Variants in RERE observed in about 807,000 individuals in gnomAD.
RERE encodes arginine-glutamic acid dipeptide repeats protein.
A neutral mutation model predicts 146.1 loss-of-function variants in RERE; 40 were observed. That is an observed-to-expected ratio of 0.27 (90% CI 0.21 to 0.36). The LOEUF (loss-of-function observed/expected upper bound fraction) is 0.36. Ranked by LOEUF, RERE falls within the 10% of genes least tolerant of loss-of-function variation. The pLI is 1.00. For missense variants in RERE, 1,933 were observed against 2,138.7 expected, an observed-to-expected ratio of 0.90 and a Z score of 1.90; for synonymous variants, 1,003 against 866.0, an observed-to-expected ratio of 1.16 and a Z score of -2.78.
intron 12 of RERE, among the ~76,000 whole-genome samples, chr1:8,367,476 G>GT (rs1310332379): frequency 6.6e-6 from 1 of 152,192 alleles, no homozygotes. Context: ...CCCATCACAT[G>GT]TATCTCCTGG....
intron 1 of RERE, among the ~76,000 whole-genome samples, chr1:8,700,122 T>C (rs542692070): frequency 9.9e-5 from 15 of 152,134 alleles, no homozygotes; most frequent in Admixed American, 2.6e-4. Context: ...CTCGCCAACA[T>C]AGTGAAACCC....
chr1:8,643,672 G>A (rs1647213817), intron 2 of RERE, among the ~76,000 whole-genome samples: 2 of 152,200 alleles, frequency 1.3e-5, no homozygotes, highest in Admixed American at 1.3e-4. Flanking sequence ...CTGGCTTGAA[G>A]GCACCAAAAC....
chr1:8,725,814 A>G (rs538791499), intron 1 of RERE, among the ~76,000 whole-genome samples: 17 of 152,180 alleles, frequency 1.1e-4, no homozygotes, highest in Non-Finnish European at 1.8e-4. Flanking sequence ...TAAAAATTAG[A>G]AGAAAAAGTG....
chr1:8,426,181 G>A (rs529152441), intron 11 of RERE, among the ~76,000 whole-genome samples: 2 of 152,218 alleles, frequency 1.3e-5, no homozygotes, highest in Admixed American at 6.5e-5. Context: ...TCAGCCGGGC[G>A]CGGTGGCTCA....
At chr1:8,426,832 C>G (rs755590554) in intron 11 of RERE, among the ~76,000 whole-genome samples, 2 of 152,164 alleles carry the variant, frequency 1.3e-5, no homozygotes, top group Non-Finnish European at 2.9e-5. Flanking sequence ...GGCATCTCCA[C>G]GTTCACCTCA....
At chr1:8,767,106 T>C (rs1419676976) in intron 1 of RERE, among the ~76,000 whole-genome samples, 1 of 152,224 alleles carries the variant, frequency 6.6e-6, no homozygotes, top group Non-Finnish European at 1.5e-5. Context: ...TAACAATAAA[T>C]TGACTATTCA....
intron 11 of RERE, among the ~76,000 whole-genome samples, chr1:8,449,143 C>T (rs1359542821): frequency 2.0e-5 from 3 of 152,136 alleles, no homozygotes; most frequent in Admixed American, 6.5e-5. Flanking sequence ...GAATGGCTAA[C>T]GGCAGGCAGA....
chr1:8,745,426 C>T (rs186325326), intron 1 of RERE, among the ~76,000 whole-genome samples: 2 of 152,228 alleles, frequency 1.3e-5, no homozygotes, highest in Non-Finnish European at 2.9e-5. Context: ...CACATGGTTA[C>T]GTTTCTCTCA....
chr1:8,498,714 A>C (rs939994551), intron 8 of RERE, among the ~76,000 whole-genome samples: 1 of 108,784 alleles, frequency 9.2e-6, no homozygotes, highest in Non-Finnish European at 1.9e-5. Context: ...AAAAAATAAA[A>C]AAAAAAAAAT....
In RERE at chr1:8,497,714, C is replaced by T. The variant is rs940861146; in HGVS notation, c.880-185G>A. Among the ~76,000 whole-genome samples the T allele has an allele frequency of 3.9e-5, 6 of 152,272 alleles. No homozygotes were observed. In the South Asian group the frequency reaches 6.2e-4, roughly 16 times the overall value. On this transcript the variant is annotated intron_variant, in intron 8 of 22. Transcript: ENST00000400908. ...TATTTCACATGTCAGGATCATTTCA[C>T]CATAGAAGATTTCACAATAGACTGC...
chr1:8,810,806 GCATTATAAACGTATTT>G (rs1417392821), intron 1 of RERE, among the ~76,000 whole-genome samples: 2 of 152,180 alleles, frequency 1.3e-5, no homozygotes, highest in African/African-American at 2.4e-5. Flanking sequence ...GAGCTCATGT[GCATTATAAACGTATTT>G]CACCCCACAC....
At chr1:8,503,098 ATAAAT>A (rs1645201857) in intron 8 of RERE, among the ~76,000 whole-genome samples, 2 of 144,314 alleles carry the variant, frequency 1.4e-5, no homozygotes, top group African/African-American at 5.2e-5. Flanking sequence ...AAATAAATAA[ATAAAT>A]AAATAAATAA....
At chr1:8,664,570 C>G (rs1638529246) in intron 1 of RERE, among the ~76,000 whole-genome samples, 1 of 152,118 alleles carries the variant, frequency 6.6e-6, no homozygotes, top group Admixed American at 6.5e-5. Context: ...TCTGCGTGCA[C>G]CACCATGCCT....
chr1:8,781,547 A>G (rs975249283), intron 1 of RERE, among the ~76,000 whole-genome samples: 2 of 151,590 alleles, frequency 1.3e-5, no homozygotes, highest in Non-Finnish European at 2.9e-5. Flanking sequence ...AAAAAACAAA[A>G]TAAAATAAAA....
At chr1:8,444,438 A>G (rs531693290) in intron 11 of RERE, among the ~76,000 whole-genome samples, 5 of 152,326 alleles carry the variant, frequency 3.3e-5, no homozygotes, top group Middle Eastern at 3.4e-3. Context: ...CTTGTCTCAG[A>G]TAAGACTTAG....
intron 7 of RERE, among the ~76,000 whole-genome samples, chr1:8,539,402 CTT>C (rs5772326): frequency 6.6e-6 from 1 of 150,634 alleles, no homozygotes; most frequent in Non-Finnish European, 1.5e-5. Flanking sequence ...CTTTCTTTTC[CTT>C]TTTTTTTTCT....
intron 10 of RERE, among the ~76,000 whole-genome samples, chr1:8,490,739 T>C (rs1441468317): frequency 6.7e-6 from 1 of 150,300 alleles, no homozygotes; most frequent in African/African-American, 2.5e-5. Flanking sequence ...CCAAAATGAT[T>C]TTAAAAAAAT....
chr1:8,737,491 C>T (rs564557437), intron 1 of RERE, among the ~76,000 whole-genome samples: 7 of 152,196 alleles, frequency 4.6e-5, no homozygotes, highest in Admixed American at 2.6e-4. Context: ...CCATTTCTTC[C>T]GTTGTCGAAC....
chr1:8,764,811 C>A (rs1411494964), intron 1 of RERE, among the ~76,000 whole-genome samples: 1 of 152,208 alleles, frequency 6.6e-6, no homozygotes, highest in African/African-American at 2.4e-5. Flanking sequence ...CCACTTCACA[C>A]CCATCAGAAT....
Sources: allele counts gnomAD v4.1 joint callset (sites outside exome capture counted in the v4.1 genomes callset), GRCh38; gene constraint gnomAD v4.1.1; transcripts MANE v1.5; gene names NCBI Gene and HGNC (gene_info 2026-07-23, HGNC 2026-07-21).